The following PGAM1 variants were observed in gnomAD, a reference collection of about 807,000 sequenced individuals.
The protein encoded by PGAM1 is phosphoglycerate mutase 1, also known as BPG-dependent PGAM 1.
In PGAM1, 21 loss-of-function variants were observed where a neutral mutation model predicts 23.5. The observed-to-expected ratio is 0.89, with a 90% CI of 0.63 to 1.29. The LOEUF (loss-of-function observed/expected upper bound fraction) is 1.29. Ranked by LOEUF, PGAM1 falls within the 50% of genes most tolerant of loss-of-function variation. The pLI is 0.00. For missense variants in PGAM1, 232 were observed against 336.3 expected (o/e 0.69, Z 2.42); for synonymous variants, 109 against 128.6 (o/e 0.85, Z 1.03).
intron 1 of PGAM1, 49 bp downstream of exon 1, chr10:97,426,495 G>A (rs1212697068): frequency 4.6e-6 from 7 of 1,511,166 alleles, no homozygotes; most frequent in Middle Eastern, 2.4e-4. Flanking sequence ...GTCCGGCCTC[G>A]GAGGCCGCCT....
Position 97,432,550 on chromosome 10 carries a change from C to T in PGAM1, c.*26C>T. On this transcript the variant is annotated 3_prime_UTR_variant, in exon 4 of 4. Transcript: ENST00000334828. ...AGGCCGGCGGGGAGGATACTGTCCCCAGGAGCACCCTCCCTGCCCGTCTTG... is the reference window on the plus strand; with the variant it reads ...AGGCCGGCGGGGAGGATACTGTCCCTAGGAGCACCCTCCCTGCCCGTCTTG... 7.1e-7 allele frequency: 1 copy of T among 1,416,026 alleles called. No homozygotes were observed. The highest frequency in any genetic ancestry group is 9.9e-7 in the Non-Finnish European group (1 of 1,009,544). 87.7% of individuals were successfully genotyped at this position (1,416,026 alleles called of 1,614,324 possible).
At chr10:97,429,264 C>T (rs577234330) in intron 1 of PGAM1, among the ~76,000 whole-genome samples, 1 of 152,018 alleles carries the variant, frequency 6.6e-6, no homozygotes, top group African/African-American at 2.4e-5. Context: ...CCACCATGCC[C>T]GGCTAATTTT....
rs780617994 is a variant in PGAM1, at chr10:97,430,614, G to A, written c.375G>A (p.Pro125=). 4 of 1,602,664 alleles carry A rather than the reference G, an allele frequency of 2.5e-6. No homozygotes were observed. Among genetic ancestry groups the A allele is most frequent in the Admixed American group, 1.7e-5 (1 of 60,012 alleles). The change falls in exon 2 of 4, where the codon CCG becomes CCA. Residue 125 remains proline, a synonymous_variant. Transcript: ENST00000334828. The stretch of plus-strand genomic sequence containing the variant: ...GCTCCTATGATGTCCCACCACCTCC[G>A]ATGGAGCCCGACCATCCTTTCTACA... The part of the protein sequence containing the change: ...WRRSYDVPPP[P]MEPDHPFYSN...
rs1235163443 is a variant in PGAM1, at chr10:97,432,372, A to G, written c.613A>G (p.Ile205Val). 1.1e-5 allele frequency: 17 copies of G among 1,611,964 alleles called. No individual in the cohort carries two copies. Among genetic ancestry groups the G allele is most frequent in the East Asian group, 2.2e-5 (1 of 44,890 alleles). ...GTTTTCAGGTCTCTCTGAAGAGGCT[A>G]TCATGGAGCTGAACCTGCCGACTGG... ...KHLEGLSEEA[I>V]MELNLPTGIP... Residue 205 changes from isoleucine to valine, a missense_variant, in exon 4 of 4, where the codon ATC (isoleucine) becomes GTC (valine). This residue lies in a region of PGAM1 where 191 missense variants were observed against 241.7 expected (regional missense o/e 0.79). Coordinates refer to ENST00000334828, the MANE Select transcript of PGAM1 (RefSeq NM_002629.4).
intron 3 of PGAM1, among the ~76,000 whole-genome samples, chr10:97,431,860 C>T (rs1039094711): frequency 6.6e-6 from 1 of 151,160 alleles, no homozygotes; most frequent in Non-Finnish European, 1.5e-5. Flanking sequence ...TACATTCTAG[C>T]CTGGGTGAGA....
At chr10:97,427,220 G>A (rs1845420566) in intron 1 of PGAM1, 1 of 962,744 alleles carries the variant, frequency 1.0e-6, no homozygotes, top group Admixed American at 6.1e-5. Flanking sequence ...ACGGATCCTA[G>A]CGGATCGACA....
chr10:97,430,874 G>T, intron 2 of PGAM1, 81 bp from the exon 3 acceptor site: 1 of 1,578,990 alleles, frequency 6.3e-7, no homozygotes. Context: ...GAATGTGAAT[G>T]GGCCAAAATC....
At chr10:97,427,754 T>G in intron 1 of PGAM1, 1 of 1,282,742 alleles carries the variant, frequency 7.8e-7, no homozygotes, top group South Asian at 1.2e-5. Context: ...GAAGAGGTGC[T>G]TCCGCTGATG....
At chr10:97,427,351 AGT>A in intron 1 of PGAM1, 1 of 992,750 alleles carries the variant, frequency 1.0e-6, no homozygotes, top group Non-Finnish European at 1.2e-6. Flanking sequence ...TTCCACAAAT[AGT>A]GTGTCCAAAA....
At chr10:97,432,117 T>C (rs1375146111) in intron 3 of PGAM1, among the ~76,000 whole-genome samples, 2 of 152,208 alleles carry the variant, frequency 1.3e-5, no homozygotes, top group African/African-American at 4.8e-5. Context: ...TCTGGCCATA[T>C]ACCTTGCTGT....
chr10:97,430,914 A>T (rs746332649), intron 2 of PGAM1, 41 bp from the exon 3 acceptor site: 3 of 1,611,988 alleles, frequency 1.9e-6, no homozygotes, highest in South Asian at 2.2e-5. Flanking sequence ...TAACAGATGT[A>T]ACTCTTAATA....
chr10:97,427,592 T>C, intron 1 of PGAM1: 2 of 1,173,186 alleles, frequency 1.7e-6, no homozygotes, highest in Non-Finnish European at 2.1e-6. Context: ...ACTGGTAGGC[T>C]TTTGGCTAAG....
At chr10:97,432,299 T>C (rs372370353) in intron 3 of PGAM1, 56 bp from the exon 4 acceptor site, 1 of 1,608,552 alleles carries the variant, frequency 6.2e-7, no homozygotes. Context: ...AAAGTAAACC[T>C]GGAGGGGTGA....
intron 1 of PGAM1, among the ~76,000 whole-genome samples, chr10:97,429,558 A>G (rs1490028371): frequency 6.6e-6 from 1 of 152,140 alleles, no homozygotes; most frequent in Non-Finnish European, 1.5e-5. Flanking sequence ...TTTAACATTT[A>G]AGTAGGTATA....
intron 1 of PGAM1, chr10:97,427,890 A>G: frequency 7.8e-7 from 1 of 1,289,150 alleles, no homozygotes; most frequent in Non-Finnish European, 1.0e-6. Flanking sequence ...CCTTCACTGT[A>G]CCATCCTTCT....
intron 1 of PGAM1, among the ~76,000 whole-genome samples, chr10:97,430,043 CAAAAAA>C (rs71814636): frequency 7.2e-5 from 5 of 69,786 alleles, no homozygotes; most frequent in Non-Finnish European, 6.5e-5. Context: ...GACTCCGTCT[CAAAAAA>C]AAAAAAAAAA....
intron 3 of PGAM1, 152 bp from the exon 4 acceptor site, chr10:97,432,203 C>A: frequency 1.9e-6 from 2 of 1,062,298 alleles, no homozygotes; most frequent in Non-Finnish European, 2.9e-6. Context: ...ATGGTGGGGG[C>A]CATTCCCTGG....
intron 1 of PGAM1, among the ~76,000 whole-genome samples, chr10:97,429,612 T>C (rs1845446889): frequency 6.6e-6 from 1 of 152,068 alleles, no homozygotes; most frequent in Admixed American, 6.5e-5. Flanking sequence ...GTGACTACAG[T>C]AGAGAGAAAC....
At position 97,430,437 on chromosome 10, in the gene PGAM1, C is replaced by G. The variant is rs536514405; in HGVS notation, c.198C>G (p.Thr66=). Residue 66 remains threonine, a synonymous_variant, in exon 2 of 4, where the codon ACC becomes ACG. Transcript: ENST00000334828. ...FTSVQKRAIR[T]LWTVLDAIDQ... The stretch of plus-strand genomic sequence containing the variant: ...CAGTGCAGAAGAGAGCGATCCGGAC[C>G]CTCTGGACAGTGCTAGATGCCATTG... The G allele has an allele frequency of 6.2e-7, 1 of 1,609,732 alleles. No individual in the cohort carries two copies. Among genetic ancestry groups the G allele is most frequent in the South Asian group, 1.1e-5 (1 of 90,992 alleles).
Sources: gnomAD v4.1 joint callset for allele counts (sites outside exome capture counted in the v4.1 genomes callset) on GRCh38, gnomAD v4.1.1 for gene constraint, gnomAD v4.1.1 regional missense constraint, MANE v1.5 for transcripts, NCBI Gene and HGNC (gene_info 2026-07-23, HGNC 2026-07-21) for gene names.